NBPF8: variants seen among roughly 807,000 people sequenced by gnomAD.
NBPF8 encodes the protein NBPF member 8.
At chr1:120,436,662 T>C (rs1661092440) in exon 1 of NBPF8, 1 of 1,599,622 alleles carries the variant, frequency 6.3e-7, no homozygotes, top group Admixed American at 1.7e-5. Context: ...CTAACTCAAC[T>C]GGCCGGCTTC....
At chr1:120,425,223 A>T (rs1660687668) in intron 1 of NBPF8, among the ~76,000 whole-genome samples, 7 of 151,906 alleles carry the variant, frequency 4.6e-5, no homozygotes, top group Admixed American at 1.3e-4. Flanking sequence ...GCCTCTTTGC[A>T]GTTGAGATAA....
upstream of NBPF8, chr1:120,433,259 G>T (rs1265502029): frequency 2.6e-5 from 4 of 152,270 alleles, no homozygotes; most frequent in African/African-American, 9.7e-5. Context: ...GAAGCAATAA[G>T]TTGGAGGACT....
intron 17 of NBPF8, among the ~76,000 whole-genome samples, chr1:120,460,107 C>G (rs1263021222): frequency 6.6e-6 from 1 of 152,146 alleles, no homozygotes; most frequent in Non-Finnish European, 1.5e-5. Context: ...CCACAAAAGC[C>G]ATAATAGCTG....
chr1:120,428,219 G>T (rs1391918030), intron 3 of NBPF8, among the ~76,000 whole-genome samples: 1 of 152,152 alleles, frequency 6.6e-6, no homozygotes, highest in Non-Finnish European at 1.5e-5. Context: ...TCATAGAATT[G>T]GTTCAGTGGT....
downstream of NBPF8, among the ~76,000 whole-genome samples, chr1:120,469,125 T>G (rs1264144881): frequency 3.2e-4 from 34 of 106,052 alleles, no homozygotes; most frequent in Non-Finnish European, 7.7e-5. Context: ...AACACACCCT[T>G]ATTCATTGGC....
At chr1:120,417,391 A>C (rs1660461389), upstream of NBPF8, among the ~76,000 whole-genome samples, 1 of 146,094 alleles carries the variant, frequency 6.8e-6, no homozygotes, top group African/African-American at 2.5e-5. Flanking sequence ...CTCAGGTGAG[A>C]CATCTGCCTC....
chr1:120,445,874 G>T, exon 8 of NBPF8: 1 of 481,324 alleles, frequency 2.1e-6, no homozygotes, highest in South Asian at 2.0e-5. Flanking sequence ...AGCTGACGCA[G>T]TTAAAGGAGA....
chr1:120,450,061 C>T (rs1661219578), intron 11 of NBPF8, among the ~76,000 whole-genome samples: 1 of 151,990 alleles, frequency 6.6e-6, no homozygotes, highest in Admixed American at 6.5e-5. Flanking sequence ...ACCCCATCTT[C>T]ACTAAAAATA....
chr1:120,436,447 C>T, exon 1 of NBPF8: 2 of 1,183,458 alleles, frequency 1.7e-6, no homozygotes, highest in Non-Finnish European at 2.5e-6. Flanking sequence ...TTGATTTCAC[C>T]AGTTTTTAAC....
At chr1:120,459,843 T>A (rs1661528371) in intron 17 of NBPF8, among the ~76,000 whole-genome samples, 1 of 152,098 alleles carries the variant, frequency 6.6e-6, no homozygotes, top group African/African-American at 2.4e-5. Context: ...GAGTTGTCTG[T>A]CAGCTCAGCT....
At position 120,452,604 on chromosome 1, in the gene NBPF8, C is replaced by T. The variant is rs1276831955; in HGVS notation, n.2289+273C>T. On this transcript the variant is annotated intron_variant and non_coding_transcript_variant, in intron 13 of 24. Transcript: ENST00000583271. ...CTAGTTTTAAAGGACAGGAAGGAGGCTGCGATGGGAGCAGGCTTGTTAGAG... is the reference window on the plus strand; with the variant it reads ...CTAGTTTTAAAGGACAGGAAGGAGGTTGCGATGGGAGCAGGCTTGTTAGAG... Among the ~76,000 whole-genome samples, 8 of 152,338 alleles carry T rather than the reference C, an allele frequency of 5.3e-5. No individual in the cohort carries two copies. The East Asian group carries it at 7.7e-4, about 15-fold the overall frequency.
rs1379496124 is a variant in NBPF8, at chr1:120,452,104, C to A, written n.2075-13C>A. 3 of 1,518,844 alleles carry A rather than the reference C, an allele frequency of 2.0e-6. No individual in the cohort carries two copies. The highest frequency in any genetic ancestry group is 1.4e-5 in the African/African-American group (1 of 70,572). 94.1% of individuals were successfully genotyped at this position (1,518,844 alleles called of 1,614,324 possible). A position where few individuals can be genotyped will look rare whatever the true frequency, so the allele number is the denominator to read the frequency against. On this transcript the variant is annotated splice_polypyrimidine_tract_variant and intron_variant and non_coding_transcript_variant, in intron 12 of 24. Transcript: ENST00000583271. ...CTTTCCACTCTTAAATTTTCTCTAC[C>A]GTCTCACCTTAGGCAATATAAAGTC...
upstream of NBPF8, among the ~76,000 whole-genome samples, chr1:120,419,034 G>A (rs1660500707): frequency 6.6e-6 from 1 of 151,398 alleles, no homozygotes; most frequent in Admixed American, 6.6e-5. Context: ...TGTATTCTCA[G>A]TACTTGACCT....
rs1389044455 is a variant in NBPF8 at position 120,465,386 on chromosome 1, T to C, written n.3568+15T>C. On this transcript the variant is annotated intron_variant and non_coding_transcript_variant, in intron 24 of 24. Coordinates refer to ENST00000583271, the Ensembl canonical transcript of NBPF8. ...CCATGCCCCAGGTAACTTTCAGCAA[T>C]TGTGGATGCTTAATTCTGTGTTAAC... The C allele has an allele frequency of 9.0e-5, 54 of 596,714 alleles. 1 individual carries two copies. The Admixed American group carries it at 1.3e-3, about 14-fold the overall frequency. 37.0% of individuals were successfully genotyped at this position (596,714 alleles called of 1,614,324 possible).
chr1:120,418,739 G>C (rs1206523956), upstream of NBPF8, among the ~76,000 whole-genome samples: 1 of 129,678 alleles, frequency 7.7e-6, no homozygotes, highest in East Asian at 2.3e-4. Flanking sequence ...TTGTAGATAG[G>C]GTTTTCCTGT....
chr1:120,463,069 C>T (rs1661636939), intron 21 of NBPF8, 103 bp downstream of exon 19: 8 of 667,958 alleles, frequency 1.2e-5, no homozygotes, highest in East Asian at 8.1e-5. Flanking sequence ...GATGTCATTG[C>T]CGCAGGCAGG....
At chr1:120,449,807 A>T (rs1266435127) in intron 11 of NBPF8, among the ~76,000 whole-genome samples, 1 of 152,216 alleles carries the variant, frequency 6.6e-6, no homozygotes, top group East Asian at 1.9e-4. Context: ...TTGAGGCCCA[A>T]CAGACAAAGC....
At chr1:120,465,698 A>G (rs1661722837) in intron 24 of NBPF8, among the ~76,000 whole-genome samples, 1 of 147,504 alleles carries the variant, frequency 6.8e-6, no homozygotes, top group African/African-American at 2.6e-5. Flanking sequence ...GCACTAACTC[A>G]GAGTGTCCTT....
At chr1:120,469,614 C>T (rs1442068529), downstream of NBPF8, among the ~76,000 whole-genome samples, 3 of 152,018 alleles carry the variant, frequency 2.0e-5, no homozygotes, top group African/African-American at 4.8e-5. Flanking sequence ...TTTATAAAGT[C>T]GAATTTATCA....
Sources: gnomAD v4.1 joint callset for allele counts (sites outside exome capture counted in the v4.1 genomes callset) on GRCh38, gnomAD v4.1.1 for gene constraint, MANE v1.5 for transcripts, NCBI Gene and HGNC (gene_info 2026-07-23, HGNC 2026-07-21) for gene names.